PTPN1: variants seen among roughly 807,000 people sequenced by gnomAD.
The protein encoded by PTPN1 is protein tyrosine phosphatase non-receptor type 1, also known as tyrosine-protein phosphatase non-receptor type 1.
A neutral mutation model predicts 59.9 loss-of-function variants in PTPN1; 12 were observed. The ratio of observed to expected loss-of-function variants is 0.20; its 90% CI spans 0.13 to 0.32. PTPN1 has a LOEUF of 0.32. Ranked by LOEUF, PTPN1 falls within the 10% of genes least tolerant of loss-of-function variation. PTPN1 has a pLI of 1.00. For missense variants in PTPN1, 356 were observed against 549.2 expected (o/e 0.65, Z 3.52); for synonymous variants, 178 against 203.6 (o/e 0.87, Z 1.07).
chr20:50,582,563 A>C lies in PTPN1; in HGVS notation c.1285-129A>C, dbSNP rs2082874153. On this transcript the variant is annotated intron_variant, in intron 9 of 9. Coordinates refer to ENST00000371621, the MANE Select transcript of PTPN1 (RefSeq NM_002827.4). This position sits in a 1 kb window ranked among gnomAD's most constrained non-coding sequence, Gnocchi z 4.2. ...TGGGGAGAGGGGGCTACTGTAAAAAATAAAACCAAAACCCCCTTTGCTCCC... is the reference window on the plus strand; with the variant it reads ...TGGGGAGAGGGGGCTACTGTAAAAACTAAAACCAAAACCCCCTTTGCTCCC... 2 of 954,764 alleles carry C rather than the reference A, an allele frequency of 2.1e-6. No individual in the cohort carries two copies. The highest frequency in any genetic ancestry group is 1.6e-5 in the African/African-American group (1 of 60,654). The allele number at this position is 954,764 out of a possible 1,614,324, so 59.1% of individuals were successfully genotyped here. A position where few individuals can be genotyped will look rare whatever the true frequency, so the allele number is the denominator to read the frequency against.
rs1407669445 is a variant in PTPN1 at position 50,510,423 on chromosome 20, G to A, written c.-105G>A. The A allele has an allele frequency of 1.4e-5, 18 of 1,272,520 alleles. No homozygotes were observed. Among genetic ancestry groups the A allele is most frequent in the Non-Finnish European group, 1.7e-5 (16 of 917,726 alleles). The allele number at this position is 1,272,520 out of a possible 1,614,324, so 78.8% of individuals were successfully genotyped here. ...CGGCTAGGGCGGCGGTAGCTGCAGGGGTCGGGGATTGCAGCGGGCCTCGGG... is the reference window on the plus strand; with the variant it reads ...CGGCTAGGGCGGCGGTAGCTGCAGGAGTCGGGGATTGCAGCGGGCCTCGGG... On this transcript the variant is annotated 5_prime_UTR_variant, in exon 1 of 10. Coordinates refer to ENST00000371621, the MANE Select transcript of PTPN1 (RefSeq NM_002827.4).
At chr20:50,546,198 G>A (rs2082675491) in intron 1 of PTPN1, among the ~76,000 whole-genome samples, 1 of 152,210 alleles carries the variant, frequency 6.6e-6, no homozygotes, top group South Asian at 2.1e-4. Context: ...CAGGCTCTGT[G>A]AGGGCAGGTC....
intron 3 of PTPN1, among the ~76,000 whole-genome samples, chr20:50,566,377 A>G (rs931966208): frequency 2.6e-5 from 4 of 152,194 alleles, no homozygotes; most frequent in Admixed American, 6.5e-5. Flanking sequence ...GCAAATGACC[A>G]TGTATCCTTG....
At chr20:50,577,277 A>G (rs1382896700) in intron 5 of PTPN1, among the ~76,000 whole-genome samples, 1 of 152,090 alleles carries the variant, frequency 6.6e-6, no homozygotes, top group Non-Finnish European at 1.5e-5. Context: ...CTGGCACATG[A>G]TTGGCATAGT....
At chr20:50,564,197 T>G (rs1229770627) in intron 2 of PTPN1, among the ~76,000 whole-genome samples, 1 of 152,216 alleles carries the variant, frequency 6.6e-6, no homozygotes, top group African/African-American at 2.4e-5. Context: ...TCCTACCTAC[T>G]GTAGCTCATT....
chr20:50,566,186 G>A (rs1034392471), intron 3 of PTPN1, among the ~76,000 whole-genome samples: 1 of 152,206 alleles, frequency 6.6e-6, no homozygotes, highest in Non-Finnish European at 1.5e-5. Flanking sequence ...GATGGGGGAG[G>A]GGGTTGATAA....
intron 1 of PTPN1, among the ~76,000 whole-genome samples, chr20:50,560,826 C>G (rs2082748772): frequency 6.6e-6 from 1 of 151,904 alleles, no homozygotes; most frequent in Admixed American, 6.6e-5. Context: ...TGATCAGGAG[C>G]CATGGTGTAG....
chr20:50,532,370 C>T (rs780066333), intron 1 of PTPN1, among the ~76,000 whole-genome samples: 2 of 152,110 alleles, frequency 1.3e-5, no homozygotes, highest in Non-Finnish European at 2.9e-5. Flanking sequence ...GTCGGTTCAG[C>T]GAATGTTGCT....
In PTPN1 at chr20:50,522,751, G is replaced by GTATT. The variant is rs1396277182; in HGVS notation, c.63+12175_63+12178dup. Among the ~76,000 whole-genome samples, 18 of 152,064 alleles carry GTATT rather than the reference G, an allele frequency of 1.2e-4. 1 individual carries two copies. Among genetic ancestry groups the GTATT allele is most frequent in the Admixed American group, 5.9e-4 (9 of 15,254 alleles). ...CCTTTCTCCAGAGGGAAAGGTATTTGTATTTATTTATTTATTTTTGAGGCA... is the reference window on the plus strand; with the variant it reads ...CCTTTCTCCAGAGGGAAAGGTATTTGTATTTATTTATTTATTTATTTTTGAGGCA... On this transcript the variant is annotated intron_variant, in intron 1 of 9. Coordinates refer to ENST00000371621, the MANE Select transcript of PTPN1 (RefSeq NM_002827.4).
chr20:50,513,526 A>G (rs887350746), intron 1 of PTPN1, among the ~76,000 whole-genome samples: 15 of 152,114 alleles, frequency 9.9e-5, no homozygotes, highest in African/African-American at 1.4e-4. Context: ...GACACCACTC[A>G]CTATATTTCA....
rs1306450167 is a variant in PTPN1, at chr20:50,568,463, G to A, written c.339G>A (p.Val113=). ...KSRGVVMLNR[V]MEKGSLKCAQ... Reference sequence around the variant, plus strand: ...GGGGTGTCGTCATGCTCAACAGAGTGATGGAGAAAGGTTCGGTAAGTCTCG... The same window carrying A: ...GGGGTGTCGTCATGCTCAACAGAGTAATGGAGAAAGGTTCGGTAAGTCTCG... Residue 113 remains valine, a synonymous_variant, in exon 4 of 10, where the codon GTG becomes GTA. Transcript: ENST00000371621. The surrounding 1 kb of genome is among the most constrained non-coding windows in gnomAD (Gnocchi z 5.6). The A allele has an allele frequency of 6.2e-7, 1 of 1,613,988 alleles. No individual in the cohort carries two copies. The highest frequency in any genetic ancestry group is 8.5e-7 in the Non-Finnish European group (1 of 1,179,954).
chr20:50,536,388 G>T (rs1394435293), intron 1 of PTPN1, among the ~76,000 whole-genome samples: 1 of 152,176 alleles, frequency 6.6e-6, no homozygotes, highest in Non-Finnish European at 1.5e-5. Context: ...ATTATAAGAG[G>T]AAGACCAACC....
chr20:50,576,986 A>T (rs571876330), intron 5 of PTPN1, among the ~76,000 whole-genome samples: 2 of 152,316 alleles, frequency 1.3e-5, no homozygotes, highest in African/African-American at 4.8e-5. Flanking sequence ...CATTAAGGTT[A>T]TATGGATACC....
At position 50,581,356 on chromosome 20, in the gene PTPN1, C is replaced by G; in HGVS notation, c.1180C>G (p.Leu394Val). The G allele has an allele frequency of 3.1e-6, 5 of 1,614,196 alleles. No individual in the cohort carries two copies. The highest frequency in any genetic ancestry group is 4.2e-6 in the Non-Finnish European group (5 of 1,179,998). ...CTCCCCAGCCAAAGGGGAGCCGTCA[C>G]TGCCCGAGAAGGACGAGGACCATGC... ...AASPAKGEPS[L>V]PEKDEDHALS... The change falls in exon 9 of 10, where the codon CTG (leucine) becomes GTG (valine). Residue 394 changes from leucine (L) to valine (V), a missense_variant. Leu to Val is a conservative substitution (Grantham distance 32). This residue lies in a region of PTPN1 where 62 missense variants were observed against 97.2 expected (regional missense o/e 0.64). Coordinates refer to ENST00000371621, the MANE Select transcript of PTPN1 (RefSeq NM_002827.4).
intron 1 of PTPN1, among the ~76,000 whole-genome samples, chr20:50,556,259 G>A (rs2082725435): frequency 1.3e-5 from 2 of 152,046 alleles, no homozygotes; most frequent in East Asian, 3.9e-4. Context: ...TGTGTTTATG[G>A]GTCACTGCAG....
rs1480766700 is a variant in PTPN1, at chr20:50,538,478, A to T, written c.64-22885A>T. On this transcript the variant is annotated intron_variant, in intron 1 of 9. Transcript: ENST00000371621. Reference sequence around the variant, plus strand: ...CTGTCAGAGTGATGTGTACAGTGTGATCCTTTCTGTGTAAAAACAAGCAGT... The same window carrying T: ...CTGTCAGAGTGATGTGTACAGTGTGTTCCTTTCTGTGTAAAAACAAGCAGT... 4.6e-5 allele frequency among the ~76,000 whole-genome samples: 7 copies of T among 152,214 alleles called. No homozygotes were observed. The East Asian group carries it at 1.3e-3, about 29-fold the overall frequency.
chr20:50,579,050 C>T, intron 6 of PTPN1, 118 bp from the exon 7 acceptor site: 1 of 1,241,042 alleles, frequency 8.1e-7, no homozygotes. Context: ...GCCCCACCTC[C>T]AACACTAGGG....
At chr20:50,517,634 G>C (rs2082534564) in intron 1 of PTPN1, among the ~76,000 whole-genome samples, 1 of 152,160 alleles carries the variant, frequency 6.6e-6, no homozygotes, top group South Asian at 2.1e-4. Context: ...AAGGCAGTAA[G>C]GTTTTATGGA....
chr20:50,579,580 G>T (rs780295233), intron 7 of PTPN1, 123 bp from the exon 8 acceptor site: 199 of 947,052 alleles, frequency 2.1e-4, no homozygotes, highest in Non-Finnish European at 3.0e-4. Flanking sequence ...CCAAGTACAT[G>T]GCTGCAGCCC....
Sources: allele counts gnomAD v4.1 joint callset (sites outside exome capture counted in the v4.1 genomes callset), GRCh38; gene constraint gnomAD v4.1.1; regional missense constraint gnomAD v4.1.1; non-coding constraint Gnocchi (gnomAD v3.1); transcripts MANE v1.5; gene names NCBI Gene and HGNC (gene_info 2026-07-23, HGNC 2026-07-21).